IL1RAPL1: variants seen among roughly 807,000 people sequenced by gnomAD.
The protein encoded by IL1RAPL1 is interleukin-1 receptor accessory protein-like 1.
In IL1RAPL1, 3 loss-of-function variants were observed where a neutral mutation model predicts 48.4. The observed-to-expected ratio is 0.06, with a 90% confidence interval of 0.03 to 0.16. IL1RAPL1 has a LOEUF of 0.16. Among genes scored for constraint, IL1RAPL1 ranks in the 10% least tolerant of loss-of-function variants. The pLI, the probability that IL1RAPL1 is intolerant of heterozygous loss-of-function variation, is 1.00. For synonymous variants in IL1RAPL1, 185 were observed against 187.7 expected (o/e 0.99, Z 0.12); for missense variants, 349 against 530.6 (o/e 0.66, Z 3.36).
intron 3 of IL1RAPL1, among the ~76,000 whole-genome samples, chrX:29,332,121 T>TTTTTA (rs1182334928): frequency 5.6e-5 from 5 of 89,868 alleles, no homozygotes; most frequent in East Asian, 3.5e-4. Context: ...TTTTTTTTTT[T>TTTTTA]AGATTCTATA....
intron 2 of IL1RAPL1, among the ~76,000 whole-genome samples, chrX:29,247,878 G>T (rs1209102446): frequency 9.0e-6 from 1 of 111,727 alleles, no homozygotes; most frequent in Admixed American, 9.5e-5. Flanking sequence ...TTATTTGGTG[G>T]TGGGGATGAC....
intron 1 of IL1RAPL1, among the ~76,000 whole-genome samples, chrX:28,778,567 G>GTC (rs1936384439): frequency 8.9e-6 from 1 of 112,006 alleles, no homozygotes; most frequent in South Asian, 3.7e-4. Flanking sequence ...CGTAAGAAAG[G>GTC]TGAATTAGAA....
At chrX:28,641,203 A>C (rs947922160) in intron 1 of IL1RAPL1, among the ~76,000 whole-genome samples, 2 of 109,460 alleles carry the variant, frequency 1.8e-5, no homozygotes, top group African/African-American at 6.7e-5. Flanking sequence ...TCCTAATGCT[A>C]TCCCTCCCCC....
At chrX:29,567,632 G>A (rs112146726) in intron 5 of IL1RAPL1, among the ~76,000 whole-genome samples, 55 of 111,612 alleles carry the variant, frequency 4.9e-4, no homozygotes, top group Non-Finnish European at 8.9e-4. Flanking sequence ...AAAATAAGTC[G>A]AATATTTGAT....
At chrX:29,132,092 C>T (rs1392454278) in intron 2 of IL1RAPL1, among the ~76,000 whole-genome samples, 2 of 111,539 alleles carry the variant, frequency 1.8e-5, no homozygotes, top group East Asian at 2.8e-4. Flanking sequence ...AATGTTAATA[C>T]GCTTAACTCT....
chrX:29,595,426 G>A (rs771841592), intron 5 of IL1RAPL1, among the ~76,000 whole-genome samples: 2 of 111,444 alleles, frequency 1.8e-5, no homozygotes, highest in South Asian at 7.6e-4. Flanking sequence ...TTTGATTATG[G>A]CCATTCTTAC....
chrX:28,836,160 G>C lies in IL1RAPL1; in HGVS notation c.82+46735G>C, dbSNP rs746065997. Reference sequence around the variant, plus strand: ...GTCTTGCAACTGTTAATCAGCACAGGCCTTAAAACAGCTGCTATCAGATTA... The same window carrying C: ...GTCTTGCAACTGTTAATCAGCACAGCCCTTAAAACAGCTGCTATCAGATTA... On this transcript the variant is annotated intron_variant, in intron 2 of 10. Transcript: ENST00000378993. Among the ~76,000 whole-genome samples the C allele has an allele frequency of 3.5e-3, 379 of 109,601 alleles. 3 individuals carry two copies. The highest frequency in any genetic ancestry group is 0.012 in the African/African-American group (367 of 30,072).
chrX:28,792,727 G>A (rs181997915), intron 2 of IL1RAPL1, among the ~76,000 whole-genome samples: 1,424 of 85,350 alleles, frequency 0.017, 42 homozygotes, highest in African/African-American at 0.06. Context: ...GGTGGAGCTC[G>A]CAGTGAGTCG....
At chrX:29,917,642 C>G (rs753380346) in intron 7 of IL1RAPL1, 46 bp downstream of exon 7, 14 of 1,079,232 alleles carry the variant, frequency 1.3e-5, no homozygotes, top group Non-Finnish European at 1.8e-5. Flanking sequence ...TTAACATTTA[C>G]TCCATTAGTG....
chrX:29,817,908 C>A (rs915382518), intron 6 of IL1RAPL1, among the ~76,000 whole-genome samples: 2 of 111,713 alleles, frequency 1.8e-5, no homozygotes, highest in African/African-American at 3.3e-5. Context: ...ATCCAGGAGA[C>A]AAAGGTAACC....
intron 2 of IL1RAPL1, among the ~76,000 whole-genome samples, chrX:28,790,198 A>G (rs1456310828): frequency 8.9e-6 from 1 of 112,292 alleles, no homozygotes; most frequent in Non-Finnish European, 1.9e-5. Flanking sequence ...AGGAAGATGA[A>G]GGGTATTGTG....
chrX:29,244,673 A>G (rs747806074), intron 2 of IL1RAPL1, among the ~76,000 whole-genome samples: 117 of 112,486 alleles, frequency 1.0e-3, no homozygotes, highest in Middle Eastern at 4.6e-3. Context: ...ATATGTCTTG[A>G]GGAATATGTG....
intron 2 of IL1RAPL1, among the ~76,000 whole-genome samples, chrX:28,960,953 T>A (rs751329579): frequency 2.2e-5 from 2 of 89,850 alleles, no homozygotes; most frequent in South Asian, 1.1e-3. Context: ...GAGCTTGCAG[T>A]GAGCTGAGAT....
At chrX:29,946,415 GA>G (rs150564330) in intron 9 of IL1RAPL1, among the ~76,000 whole-genome samples, 7,927 of 111,586 alleles carry the variant, frequency 0.071, 244 homozygotes, top group Admixed American at 0.1. Flanking sequence ...TATTGAGAAT[GA>G]ACCTAAGACA....
At chrX:29,080,978 T>C (rs866655079) in intron 2 of IL1RAPL1, among the ~76,000 whole-genome samples, 2 of 45,099 alleles carry the variant, frequency 4.4e-5, no homozygotes, top group African/African-American at 1.1e-4. Context: ...CTTTCTTTCT[T>C]TCTTTCTTTC....
chrX:29,953,795 A>G (rs1933360264), intron 9 of IL1RAPL1, among the ~76,000 whole-genome samples: 2 of 111,848 alleles, frequency 1.8e-5, no homozygotes, highest in Non-Finnish European at 3.8e-5. Flanking sequence ...TCATTCATTC[A>G]CAATTAAGTC....
intron 2 of IL1RAPL1, among the ~76,000 whole-genome samples, chrX:29,249,032 G>T (rs1173441922): frequency 1.8e-5 from 2 of 110,978 alleles, no homozygotes; most frequent in African/African-American, 3.3e-5. Context: ...GAAAAAGTAG[G>T]GGATTCGAAA....
intron 3 of IL1RAPL1, among the ~76,000 whole-genome samples, chrX:29,352,794 GA>G (rs201534043): frequency 1.5e-4 from 16 of 105,681 alleles, no homozygotes; most frequent in Admixed American, 4.1e-4. Flanking sequence ...GATAACTTTA[GA>G]AAAAAAAAAT....
At chrX:29,140,985 G>A (rs1390501372) in intron 2 of IL1RAPL1, among the ~76,000 whole-genome samples, 2 of 110,939 alleles carry the variant, frequency 1.8e-5, no homozygotes, top group Non-Finnish European at 3.8e-5. Flanking sequence ...GATATTAATA[G>A]TAATAATAAC....
Sources: gnomAD v4.1 joint callset for allele counts (sites outside exome capture counted in the v4.1 genomes callset) on GRCh38, gnomAD v4.1.1 for gene constraint, MANE v1.5 for transcripts, NCBI Gene and HGNC (gene_info 2026-07-23, HGNC 2026-07-21) for gene names.